TEX11: variants seen among roughly 807,000 people sequenced by gnomAD.
TEX11 encodes the protein testis expressed 11.
In TEX11, 7 loss-of-function variants were observed where a neutral mutation model predicts 84.4. That is an observed-to-expected ratio of 0.08 (90% CI 0.05 to 0.16). The LOEUF is 0.16. Among genes scored for constraint, TEX11 ranks in the 10% least tolerant of loss-of-function variants. TEX11 has a pLI of 1.00. For missense variants in TEX11, 551 were observed against 660.5 expected (o/e 0.83, Z 1.82); for synonymous variants, 264 against 222.8 (o/e 1.18, Z -1.64).
chrX:70,577,249 A>G (rs2147472375), intron 25 of TEX11, among the ~76,000 whole-genome samples: 1 of 111,770 alleles, frequency 8.9e-6, no homozygotes, highest in East Asian at 2.8e-4. Context: ...AAGATACTAC[A>G]TGAAAATGGG....
chrX:70,852,328 G>T (rs2091512949), intron 7 of TEX11, among the ~76,000 whole-genome samples: 1 of 111,265 alleles, frequency 9.0e-6, no homozygotes. Flanking sequence ...AACTACAGGT[G>T]CACACCACCA....
chrX:70,688,299 T>C (rs1316272270), intron 13 of TEX11, among the ~76,000 whole-genome samples: 2 of 111,353 alleles, frequency 1.8e-5, no homozygotes, highest in African/African-American at 3.3e-5. Context: ...CCCACTTGAT[T>C]TGAAAACTTA....
At chrX:70,525,747 G>T (rs2087816408), downstream of TEX11, among the ~76,000 whole-genome samples, 1 of 112,169 alleles carries the variant, frequency 8.9e-6, no homozygotes, top group South Asian at 3.7e-4. Context: ...AAGCTGTGAA[G>T]AATAAAACAA....
chrX:70,708,906 C>A (rs2090400880), intron 13 of TEX11, among the ~76,000 whole-genome samples: 1 of 103,890 alleles, frequency 9.6e-6, no homozygotes, highest in Non-Finnish European at 1.9e-5. Flanking sequence ...TCCCTTGTAT[C>A]TAAAATAAAA....
intron 16 of TEX11, among the ~76,000 whole-genome samples, chrX:70,661,090 G>C (rs1387460140): frequency 1.8e-5 from 2 of 112,275 alleles, no homozygotes; most frequent in Admixed American, 1.9e-4. Context: ...GCCTCACCCG[G>C]GAAGTGCAAG....
At chrX:70,630,313 GAA>G (rs367757066) in intron 17 of TEX11, among the ~76,000 whole-genome samples, 16,076 of 59,868 alleles carry the variant, frequency 0.27, 1,249 homozygotes, top group Middle Eastern at 0.31. Flanking sequence ...CTCTGTCTCA[GAA>G]AAAAAAAAAA....
chrX:70,746,220 T>C lies in TEX11; in HGVS notation c.693-2001A>G, dbSNP rs922159625. Among the ~76,000 whole-genome samples the C allele has an allele frequency of 7.2e-5, 8 of 111,308 alleles. No individual in the cohort carries two copies. The Admixed American group carries it at 7.7e-4, about 11-fold the overall frequency. On this transcript the variant is annotated intron_variant, in intron 9 of 29. Transcript: ENST00000374333. Reference sequence around the variant, plus strand: ...CCTCTCCCGCCAGCTCCTAAAATCCTAGGCTATGGTTTCACCTGCAGAGAA... The same window carrying C: ...CCTCTCCCGCCAGCTCCTAAAATCCCAGGCTATGGTTTCACCTGCAGAGAA...
chrX:70,535,964 T>C (rs1477796254), intron 28 of TEX11, among the ~76,000 whole-genome samples: 1 of 111,005 alleles, frequency 9.0e-6, no homozygotes, highest in Non-Finnish European at 1.9e-5. Flanking sequence ...AAACTATTTG[T>C]TTCTTATACA....
intron 13 of TEX11, among the ~76,000 whole-genome samples, chrX:70,716,508 C>A (rs903021478): frequency 8.9e-6 from 1 of 112,340 alleles, no homozygotes; most frequent in Non-Finnish European, 1.9e-5. Context: ...CCTCCCCCAG[C>A]CTCGCTGCTG....
At position 70,698,578 on chromosome X, in the gene TEX11, G is replaced by A. The variant is rs1277971435; in HGVS notation, c.1005-15753C>T. 3.7e-5 allele frequency among the ~76,000 whole-genome samples: 4 copies of A among 108,928 alleles called. No homozygotes were observed. The East Asian group carries it at 1.2e-3, about 32-fold the overall frequency. 94.6% of individuals were successfully genotyped at this position (108,928 alleles called of 115,157 possible). A position where few individuals can be genotyped will look rare whatever the true frequency, so the allele number is the denominator to read the frequency against. On this transcript the variant is annotated intron_variant, in intron 13 of 29. Coordinates refer to ENST00000374333, the MANE Select transcript of TEX11 (RefSeq NM_031276.3). The stretch of plus-strand genomic sequence containing the variant: ...CCACAAAATTAGAAATTAATTAGTA[G>A]GGGACAGGAAAAATTTGTGATGATC...
intron 4 of TEX11, among the ~76,000 whole-genome samples, chrX:70,862,928 AAAG>A (rs1241131595): frequency 1.8e-5 from 2 of 109,314 alleles, no homozygotes; most frequent in Non-Finnish European, 3.8e-5. Context: ...AAAAAAAAAA[AAAG>A]AAGAGGGGAA....
At chrX:70,798,616 G>C (rs775374401) in intron 9 of TEX11, among the ~76,000 whole-genome samples, 22 of 112,181 alleles carry the variant, frequency 2.0e-4, no homozygotes, top group African/African-American at 6.8e-4. Context: ...CATTAAAACA[G>C]CATGGTATGG....
intron 21 of TEX11, 22 bp downstream of exon 21, chrX:70,610,481 A>G (rs1029043287): frequency 3.3e-6 from 4 of 1,195,671 alleles, no homozygotes; most frequent in Non-Finnish European, 4.5e-6. Context: ...GAAGGACTGA[A>G]TATAACCAGG....
intron 7 of TEX11, chrX:70,846,137 T>C (rs2091477954): frequency 9.3e-6 from 1 of 107,397 alleles, no homozygotes; most frequent in African/African-American, 3.4e-5. Context: ...AGAACGATCA[T>C]CAATGGCAAA....
chrX:70,630,269 G>A (rs1448313270), intron 17 of TEX11, among the ~76,000 whole-genome samples: 1 of 104,361 alleles, frequency 9.6e-6, no homozygotes, highest in African/African-American at 3.5e-5. Flanking sequence ...CCGAGATCGG[G>A]CCACTGCACT....
At chrX:70,661,665 T>C (rs1349500707) in intron 16 of TEX11, among the ~76,000 whole-genome samples, 1 of 111,369 alleles carries the variant, frequency 9.0e-6, no homozygotes. Context: ...CGGGTACTCC[T>C]CTGAGACAAA....
chrX:70,902,800 A>C (rs930977571), intron 2 of TEX11, among the ~76,000 whole-genome samples: 3 of 111,945 alleles, frequency 2.7e-5, no homozygotes, highest in Non-Finnish European at 5.6e-5. Context: ...TCAACCTCCC[A>C]AAGTACAAAC....
chrX:70,623,246 T>A (rs1466335165), intron 20 of TEX11, among the ~76,000 whole-genome samples: 1 of 112,006 alleles, frequency 8.9e-6, no homozygotes, highest in Non-Finnish European at 1.9e-5. Context: ...AATGCAGAGA[T>A]GGGTGATATT....
intron 9 of TEX11, among the ~76,000 whole-genome samples, chrX:70,746,250 G>C (rs2090767039): frequency 9.0e-6 from 1 of 111,211 alleles, no homozygotes; most frequent in South Asian, 3.8e-4. Context: ...AGAGAAGCAG[G>C]CTGCCAGACT....
Sources: allele counts gnomAD v4.1 joint callset (sites outside exome capture counted in the v4.1 genomes callset), GRCh38; gene constraint gnomAD v4.1.1; transcripts MANE v1.5; gene names NCBI Gene and HGNC (gene_info 2026-07-23, HGNC 2026-07-21).